GFRAL: variants seen among roughly 807,000 people sequenced by gnomAD.
GFRAL encodes GDNF family receptor alpha-like.
GFRAL carries 36 observed loss-of-function variants against 45.4 expected under a neutral mutation model. That is an observed-to-expected ratio of 0.79 (90% CI 0.61 to 1.05). GFRAL has a LOEUF of 1.05. Among genes scored for constraint, GFRAL ranks in the 50% least tolerant of loss-of-function variants. GFRAL has a pLI of 0.00. For synonymous variants in GFRAL, 166 were observed against 154.1 expected (o/e 1.08, Z -0.57); for missense variants, 507 against 467.5 (o/e 1.08, Z -0.78).
At chr6:55,393,881 A>G (rs547512590) in intron 6 of GFRAL, among the ~76,000 whole-genome samples, 2 of 151,344 alleles carry the variant, frequency 1.3e-5, no homozygotes, top group Non-Finnish European at 3.0e-5. Context: ...GATAATCCTG[A>G]TTGCTTTCCT....
At chr6:55,332,129 T>A (rs1175155706) in intron 2 of GFRAL, among the ~76,000 whole-genome samples, 1 of 152,192 alleles carries the variant, frequency 6.6e-6, no homozygotes, top group Non-Finnish European at 1.5e-5. Flanking sequence ...TTTTATGCAT[T>A]CTTCTGAGAA....
chr6:55,327,562 T>A lies in GFRAL; in HGVS notation c.8T>A (p.Val3Glu). 6.2e-7 allele frequency: 1 copy of A among 1,612,968 alleles called. No homozygotes were observed. Among genetic ancestry groups the A allele is most frequent in the South Asian group, 1.1e-5 (1 of 91,024 alleles). Residue 3 changes from valine to glutamate, a missense_variant, in exon 1 of 9, where the codon GTG (valine) becomes GAG (glutamate). Val to Glu is a moderately radical substitution (Grantham distance 121). Transcript: ENST00000340465. The stretch of plus-strand genomic sequence containing the variant: ...TGCCGTGAGTTGTCCAGCATGATAG[T>A]GTTTATTTTCTTGGGTAAGTGAATG... MI[V>E]FIFLAMGLSL...
In GFRAL at chr6:55,341,232, G is replaced by A. The variant is rs562424349; in HGVS notation, c.316+7288G>A. On this transcript the variant is annotated intron_variant, in intron 3 of 8. Transcript: ENST00000340465. The stretch of plus-strand genomic sequence containing the variant: ...GAATGAACATACTGCCTTCTCAAGT[G>A]GGTCCCTGACCCCCAAGTAGCCTAA... 1.2e-4 allele frequency among the ~76,000 whole-genome samples: 18 copies of A among 152,294 alleles called. 1 individual carries two copies. Among genetic ancestry groups the A allele is most frequent in the African/African-American group, 4.3e-4 (18 of 41,568 alleles).
At position 55,351,384 on chromosome 6, in the gene GFRAL, C is replaced by G; in HGVS notation, c.502C>G (p.Gln168Glu). 6.2e-7 allele frequency: 1 copy of G among 1,613,592 alleles called. No homozygotes were observed. The highest frequency in any genetic ancestry group is 8.5e-7 in the Non-Finnish European group (1 of 1,179,720). ...AAATCCGTGTGATCTGAAACAGTGC[C>G]AAGCAGCCATACGGTTCTTCTATCA... ...NGNPCDLKQC[Q>E]AAIRFFYQNI... Residue 168 changes from glutamine (Q) to glutamate (E), a missense_variant, in exon 5 of 9, where the codon CAA becomes GAA. By Grantham distance (29) the Gln-to-Glu change is conservative. Transcript: ENST00000340465.
intron 6 of GFRAL, among the ~76,000 whole-genome samples, chr6:55,370,091 T>G (rs1768431343): frequency 1.3e-5 from 2 of 152,144 alleles, no homozygotes; most frequent in South Asian, 4.1e-4. Flanking sequence ...CTGGATAATT[T>G]CCATTGCTTT....
Position 55,401,821 on chromosome 6 carries a change from C to G in GFRAL, c.1153C>G (p.Pro385Ala), listed in dbSNP as rs1310721200. The G allele has an allele frequency of 6.4e-7, 1 of 1,551,492 alleles. No homozygotes were observed. The highest frequency in any genetic ancestry group is 8.9e-7 in the Non-Finnish European group (1 of 1,122,632). ...CAGAATATCAAGTAAAGCAAGAGAT[C>G]CTTCATCGATCCAAATACCTGGAGA... Reference protein sequence around the residue: ...TSRISSKARDPSSIQIPGEL With the variant: ...TSRISSKARDASSIQIPGEL The change falls in exon 9 of 9, where the codon CCT becomes GCT. Residue 385 changes from proline to alanine, a missense_variant. Transcript: ENST00000340465.
At chr6:55,332,561 C>T (rs1457732762) in intron 2 of GFRAL, among the ~76,000 whole-genome samples, 2 of 151,842 alleles carry the variant, frequency 1.3e-5, no homozygotes, top group African/African-American at 4.8e-5. Context: ...GTAGCTGGGA[C>T]TACAGGCGCA....
At chr6:55,363,046 AGAG>A (rs1017273442) in intron 6 of GFRAL, among the ~76,000 whole-genome samples, 19 of 151,292 alleles carry the variant, frequency 1.3e-4, no homozygotes, top group African/African-American at 4.6e-4. Flanking sequence ...GAGGGAAGGT[AGAG>A]GAGGAGGAGG....
intron 6 of GFRAL, among the ~76,000 whole-genome samples, chr6:55,387,439 A>C (rs1182637481): frequency 6.6e-6 from 1 of 152,206 alleles, no homozygotes; most frequent in Non-Finnish European, 1.5e-5. Flanking sequence ...TATTATGAGC[A>C]TGTGTATTCT....
At chr6:55,386,235 C>T (rs181209243) in intron 6 of GFRAL, among the ~76,000 whole-genome samples, 638 of 152,052 alleles carry the variant, frequency 4.2e-3, no homozygotes, top group Non-Finnish European at 5.9e-3. Flanking sequence ...ATAATGTGTC[C>T]ATATTCAATA....
At chr6:55,368,099 C>G (rs1330150112) in intron 6 of GFRAL, among the ~76,000 whole-genome samples, 3 of 149,752 alleles carry the variant, frequency 2.0e-5, no homozygotes, top group East Asian at 3.9e-4. Flanking sequence ...TAGATTTGGT[C>G]TTTTCACATA....
chr6:55,328,627 T>C (rs954415925), intron 1 of GFRAL, among the ~76,000 whole-genome samples: 3 of 152,026 alleles, frequency 2.0e-5, no homozygotes, highest in Non-Finnish European at 4.4e-5. Context: ...AGTTCTTTTT[T>C]GTGATAAAGA....
chr6:55,387,115 T>A (rs1267572886), intron 6 of GFRAL, among the ~76,000 whole-genome samples: 1 of 152,150 alleles, frequency 6.6e-6, no homozygotes, highest in African/African-American at 2.4e-5. Flanking sequence ...ACATAAAGAT[T>A]AAAGAGTTGC....
At chr6:55,374,504 A>T (rs1768498092) in intron 6 of GFRAL, among the ~76,000 whole-genome samples, 1 of 151,898 alleles carries the variant, frequency 6.6e-6, no homozygotes, top group Non-Finnish European at 1.5e-5. Flanking sequence ...AATTTGTTTA[A>T]GTTACTTGTA....
chr6:55,343,935 C>T (rs545888277), intron 3 of GFRAL, among the ~76,000 whole-genome samples: 2 of 151,946 alleles, frequency 1.3e-5, no homozygotes, highest in East Asian at 3.9e-4. Flanking sequence ...AGAAAATCAA[C>T]AAGAAATGGA....
chr6:55,369,284 C>A (rs190888834), intron 6 of GFRAL, among the ~76,000 whole-genome samples: 2 of 152,332 alleles, frequency 1.3e-5, no homozygotes, highest in Non-Finnish European at 2.9e-5. Flanking sequence ...TGAGGCAATG[C>A]CTCGCCCTGC....
At chr6:55,382,687 A>T (rs190233327) in intron 6 of GFRAL, among the ~76,000 whole-genome samples, 2 of 152,116 alleles carry the variant, frequency 1.3e-5, no homozygotes, top group Non-Finnish European at 2.9e-5. Flanking sequence ...GAGCACAGCC[A>T]TAGAGAGGCA....
At chr6:55,376,811 GA>G (rs1768541082) in intron 6 of GFRAL, among the ~76,000 whole-genome samples, 1 of 151,610 alleles carries the variant, frequency 6.6e-6, no homozygotes, top group African/African-American at 2.4e-5. Context: ...TTTTTTGAAG[GA>G]TTTTCATGTC....
chr6:55,350,053 T>C, intron 3 of GFRAL, 39 bp from the exon 4 acceptor site: 3 of 1,234,090 alleles, frequency 2.4e-6, no homozygotes, highest in Non-Finnish European at 3.6e-6. Flanking sequence ...ATTCAGAAAA[T>C]TGTTCAATAA....
Sources: allele counts gnomAD v4.1 joint callset (sites outside exome capture counted in the v4.1 genomes callset), GRCh38; gene constraint gnomAD v4.1.1; transcripts MANE v1.5; gene names NCBI Gene and HGNC (gene_info 2026-07-23, HGNC 2026-07-21).